Variants in RELN observed in about 807,000 individuals in gnomAD.
The protein encoded by RELN is reelin.
In RELN, 108 loss-of-function variants were observed where a neutral mutation model predicts 427.6. That is an observed-to-expected ratio of 0.25 (90% CI 0.22 to 0.30). The LOEUF (loss-of-function observed/expected upper bound fraction) is 0.30. Among genes scored for constraint, RELN ranks in the 10% least tolerant of loss-of-function variants. The pLI is 1.00. For synonymous variants in RELN, 1,524 were observed against 1,513.4 expected (o/e 1.01, Z -0.16); for missense variants, 3,715 against 4,302.8 (o/e 0.86, Z 3.82).
At chr7:103,514,189 T>TTAGA (rs1398156528) in intron 50 of RELN, among the ~76,000 whole-genome samples, 1 of 152,192 alleles carries the variant, frequency 6.6e-6, no homozygotes, top group Non-Finnish European at 1.5e-5. Flanking sequence ...TCTTTACTAT[T>TTAGA]TAGATACATG....
At chr7:103,959,003 A>G (rs567771512) in intron 1 of RELN, among the ~76,000 whole-genome samples, 2 of 152,308 alleles carry the variant, frequency 1.3e-5, no homozygotes, top group African/African-American at 4.8e-5. Flanking sequence ...GTTCAGTTGC[A>G]TGATCTCGTT....
At chr7:103,764,788 A>G (rs1043795536) in intron 4 of RELN, among the ~76,000 whole-genome samples, 1 of 149,096 alleles carries the variant, frequency 6.7e-6, no homozygotes, top group East Asian at 2.0e-4. Context: ...GTAAGCCGAG[A>G]TCGCACCACT....
intron 2 of RELN, among the ~76,000 whole-genome samples, chr7:103,862,510 T>C (rs961188409): frequency 1.3e-5 from 2 of 151,924 alleles, no homozygotes; most frequent in African/African-American, 4.8e-5. Flanking sequence ...CCCCATGTTC[T>C]TCCCACCCCT....
intron 16 of RELN, among the ~76,000 whole-genome samples, chr7:103,642,645 G>A (rs1395370350): frequency 6.6e-6 from 1 of 152,040 alleles, no homozygotes; most frequent in African/African-American, 2.4e-5. Flanking sequence ...AAATTGTGTT[G>A]TAACAGCCTT....
At position 103,904,389 on chromosome 7, in the gene RELN, T is replaced by A. The variant is rs1032367451; in HGVS notation, c.337+12686A>T. On this transcript the variant is annotated intron_variant, in intron 2 of 64. Coordinates refer to ENST00000428762, the MANE Select transcript of RELN (RefSeq NM_005045.4). ...CATATCCAGTAATGGGATTGCTGGG[T>A]CAAATGGTATTTCTGGTTCTAGATC... 2.0e-5 allele frequency among the ~76,000 whole-genome samples: 3 copies of A among 152,240 alleles called. No individual in the cohort carries two copies. The East Asian group carries it at 5.8e-4, about 29-fold the overall frequency.
intron 3 of RELN, among the ~76,000 whole-genome samples, chr7:103,832,051 G>A (rs1411819724): frequency 1.3e-5 from 2 of 152,178 alleles, no homozygotes; most frequent in Non-Finnish European, 1.5e-5. Flanking sequence ...TGTGAGATGA[G>A]TCTGATGGTG....
chr7:103,871,012 C>T lies in RELN; in HGVS notation c.338-37340G>A, dbSNP rs149842194. ...TCTGCAGTTAGGAAACTGTCTCAGG[C>T]AGAAAACAGGGGTGATCATGAAGCT... On this transcript the variant is annotated intron_variant, in intron 2 of 64. Coordinates refer to ENST00000428762, the MANE Select transcript of RELN (RefSeq NM_005045.4). Among the ~76,000 whole-genome samples, 27 of 152,182 alleles carry T rather than the reference C, an allele frequency of 1.8e-4. No individual in the cohort carries two copies. In the East Asian group the frequency reaches 4.8e-3, roughly 27 times the overall value.
intron 3 of RELN, among the ~76,000 whole-genome samples, chr7:103,802,432 T>C (rs1792490971): frequency 6.6e-6 from 1 of 152,180 alleles, no homozygotes. Context: ...ATTATTACTG[T>C]AAAACAAATC....
At chr7:103,481,178 A>G (rs1364620849) in intron 63 of RELN, among the ~76,000 whole-genome samples, 1 of 152,172 alleles carries the variant, frequency 6.6e-6, no homozygotes, top group East Asian at 1.9e-4. Context: ...CTGCTTTTTA[A>G]TCTTAGTATA....
chr7:103,934,443 A>G (rs1414981928), intron 1 of RELN, among the ~76,000 whole-genome samples: 2 of 152,128 alleles, frequency 1.3e-5, no homozygotes, highest in African/African-American at 4.8e-5. Context: ...ATTTTTCAAT[A>G]CTTATCTATG....
At chr7:103,924,954 ACT>A (rs1203937864) in intron 1 of RELN, among the ~76,000 whole-genome samples, 23 of 146,668 alleles carry the variant, frequency 1.6e-4, no homozygotes, top group African/African-American at 4.8e-4. Context: ...CCCTACAAGC[ACT>A]CTCTCTCTGA....
At position 103,486,122 on chromosome 7, in the gene RELN, A is replaced by G. The variant is rs538675625; in HGVS notation, c.9983+75T>C. ...TCTGTGCCATGAAGTTCACAATCCTATCTAACAGACAATGGACAATCACTG... is the reference window on the plus strand; with the variant it reads ...TCTGTGCCATGAAGTTCACAATCCTGTCTAACAGACAATGGACAATCACTG... On this transcript the variant is annotated intron_variant, in intron 61 of 64. Coordinates refer to ENST00000428762, the MANE Select transcript of RELN (RefSeq NM_005045.4). The G allele has an allele frequency of 1.7e-5, 24 of 1,390,908 alleles. No individual in the cohort carries two copies. The South Asian group carries it at 2.3e-4, about 14-fold the overall frequency. 86.2% of individuals were successfully genotyped at this position (1,390,908 alleles called of 1,614,324 possible). A position where few individuals can be genotyped will look rare whatever the true frequency, so the allele number is the denominator to read the frequency against.
chr7:103,989,293 T>TCAGCGTCGCCCC lies in RELN; in HGVS notation c.52_63dup (p.Gly18_Leu21dup), dbSNP rs758519950. ...TAATAGCCAGCCGCCGCGCGCGCCC[T>TCAGCGTCGCCCC]CAGCGTCGCCCCCAGCAACAGCGCT... On this transcript the variant is annotated inframe_insertion, in exon 1 of 65. Transcript: ENST00000428762. The surrounding 1 kb of genome is among the most constrained non-coding windows in gnomAD (Gnocchi z 4.9). 294 of 1,611,900 alleles carry TCAGCGTCGCCCC rather than the reference T, an allele frequency of 1.8e-4. No individual in the cohort carries two copies. Among genetic ancestry groups the TCAGCGTCGCCCC allele is most frequent in the Non-Finnish European group, 2.3e-4 (277 of 1,179,568 alleles).
At chr7:103,618,110 T>C (rs751229181) in intron 20 of RELN, among the ~76,000 whole-genome samples, 7 of 152,350 alleles carry the variant, frequency 4.6e-5, no homozygotes, top group African/African-American at 7.2e-5. Context: ...GTAATCTTTA[T>C]AGGAACACAA....
At chr7:103,509,190 G>A (rs1030047273) in intron 51 of RELN, among the ~76,000 whole-genome samples, 1 of 152,172 alleles carries the variant, frequency 6.6e-6, no homozygotes, top group Admixed American at 6.5e-5. Flanking sequence ...AGCCTGTATA[G>A]CCAAGACAAT....
chr7:103,915,389 C>T (rs1422173917), intron 2 of RELN, among the ~76,000 whole-genome samples: 1 of 152,146 alleles, frequency 6.6e-6, no homozygotes, highest in Non-Finnish European at 1.5e-5. Context: ...ATTTACATGA[C>T]CATTTAATCA....
chr7:103,546,897 CTCTTATT>C (rs1388445911), intron 41 of RELN, among the ~76,000 whole-genome samples: 4 of 152,240 alleles, frequency 2.6e-5, no homozygotes, highest in Non-Finnish European at 5.9e-5. Context: ...TTTTTAGATT[CTCTTATT>C]TCTTAACTTC....
intron 6 of RELN, among the ~76,000 whole-genome samples, chr7:103,742,676 A>G (rs1160781840): frequency 1.3e-5 from 2 of 152,204 alleles, no homozygotes; most frequent in Non-Finnish European, 2.9e-5. Context: ...GTGATGGAAG[A>G]TGAAATGAAT....
At chr7:103,631,640 A>G (rs1439532092) in intron 19 of RELN, among the ~76,000 whole-genome samples, 37 of 152,156 alleles carry the variant, frequency 2.4e-4, no homozygotes, top group Non-Finnish European at 2.9e-5. Flanking sequence ...TACATTTATG[A>G]GTTTTAAATA....
Sources: allele counts gnomAD v4.1 joint callset (sites outside exome capture counted in the v4.1 genomes callset), GRCh38; gene constraint gnomAD v4.1.1; non-coding constraint Gnocchi (gnomAD v3.1); transcripts MANE v1.5; gene names NCBI Gene and HGNC (gene_info 2026-07-23, HGNC 2026-07-21).